The following WRN variants were observed in gnomAD, a reference collection of about 807,000 sequenced individuals.
WRN encodes bifunctional 3'-5' exonuclease/ATP-dependent helicase WRN.
In WRN, 149 loss-of-function variants were observed where a neutral mutation model predicts 180.7. The observed-to-expected ratio is 0.82, with a 90% CI of 0.72 to 0.94. The LOEUF is 0.94. Among genes scored for constraint, WRN ranks in the 40% least tolerant of loss-of-function variants. The pLI is 0.00. For missense variants in WRN, 1,661 were observed against 1,700.1 expected (o/e 0.98, Z 0.40); for synonymous variants, 548 against 568.9 (o/e 0.96, Z 0.52).
chr8:31,109,646 A>G (rs993057900), intron 18 of WRN, among the ~76,000 whole-genome samples: 1 of 152,178 alleles, frequency 6.6e-6, no homozygotes, highest in African/African-American at 2.4e-5. Context: ...AGTGCTTACT[A>G]TATTTTATTT....
chr8:31,126,361 C>T (rs1271332033), intron 23 of WRN, among the ~76,000 whole-genome samples: 1 of 151,986 alleles, frequency 6.6e-6, no homozygotes, highest in Non-Finnish European at 1.5e-5. Context: ...AGTCTCTAAA[C>T]CTTAGAAATT....
intron 8 of WRN, among the ~76,000 whole-genome samples, chr8:31,079,932 A>T (rs915511283): frequency 2.0e-5 from 3 of 151,984 alleles, no homozygotes; most frequent in Admixed American, 2.0e-4. Context: ...CTGGAGTGCA[A>T]TGGCACGATC....
At chr8:31,040,336 G>A (rs1170499747) in intron 1 of WRN, among the ~76,000 whole-genome samples, 4 of 152,180 alleles carry the variant, frequency 2.6e-5, no homozygotes, top group Admixed American at 2.6e-4. Flanking sequence ...AACTTTGGAA[G>A]TCATTAGTGT....
intron 33 of WRN, among the ~76,000 whole-genome samples, chr8:31,158,646 A>C (rs1281152543): frequency 6.6e-6 from 1 of 152,186 alleles, no homozygotes; most frequent in African/African-American, 2.4e-5. Context: ...AGAATTTGGA[A>C]GATCACTCTC....
intron 33 of WRN, among the ~76,000 whole-genome samples, chr8:31,164,013 A>G (rs1230324824): frequency 6.6e-6 from 1 of 151,948 alleles, no homozygotes. Flanking sequence ...ATTTTTAAGT[A>G]TTTTTGTAGA....
chr8:31,078,464 C>G (rs1162731362), intron 8 of WRN, among the ~76,000 whole-genome samples: 1 of 152,118 alleles, frequency 6.6e-6, no homozygotes, highest in African/African-American at 2.4e-5. Flanking sequence ...GTTTGACAAG[C>G]TTGGGTACTG....
chr8:31,101,888 G>T, intron 18 of WRN, among the ~76,000 whole-genome samples: 1 of 148,024 alleles, frequency 6.8e-6, no homozygotes, highest in African/African-American at 2.5e-5. Flanking sequence ...TAATAGCACT[G>T]TTTTATTTTT....
chr8:31,139,517 A>G (rs1802523940), intron 24 of WRN, among the ~76,000 whole-genome samples: 1 of 152,300 alleles, frequency 6.6e-6, no homozygotes, highest in African/African-American at 2.4e-5. Flanking sequence ...TCAAGAAGCC[A>G]TCTGTCAACT....
At chr8:31,095,907 A>G (rs961383092) in intron 16 of WRN, among the ~76,000 whole-genome samples, 14 of 152,258 alleles carry the variant, frequency 9.2e-5, no homozygotes, top group Admixed American at 3.3e-4. Context: ...TTCAACCCAT[A>G]TGCCTGCTGG....
chr8:31,157,711 A>G (rs1803443908), intron 33 of WRN, among the ~76,000 whole-genome samples, 181 bp downstream of exon 33: 1 of 152,252 alleles, frequency 6.6e-6, no homozygotes, highest in Non-Finnish European at 1.5e-5. Context: ...AGAGGAAAGT[A>G]TACTGAGAAA....
At chr8:31,120,867 A>T (rs1432979975) in intron 21 of WRN, among the ~76,000 whole-genome samples, 2 of 151,844 alleles carry the variant, frequency 1.3e-5, no homozygotes, top group Non-Finnish European at 2.9e-5. Flanking sequence ...ATTCCAGAGG[A>T]TTTCTCTCAG....
Position 31,105,324 on chromosome 8 carries a change from G to A in WRN, c.2088+4369G>A, listed in dbSNP as rs1801052385. On this transcript the variant is annotated intron_variant, in intron 18 of 34. Coordinates refer to ENST00000298139, the MANE Select transcript of WRN (RefSeq NM_000553.6). ...CTCATGGATTTCTTCTTTCCTTACTGTCTCTTTATTCTCAGCCTCCTGTTC... is the reference window on the plus strand; with the variant it reads ...CTCATGGATTTCTTCTTTCCTTACTATCTCTTTATTCTCAGCCTCCTGTTC... Among the ~76,000 whole-genome samples, 3 of 152,036 alleles carry A rather than the reference G, an allele frequency of 2.0e-5. No individual in the cohort carries two copies. The East Asian group carries it at 5.8e-4, about 29-fold the overall frequency.
At position 31,163,132 on chromosome 8, in the gene WRN, A is replaced by G. The variant is rs1803702769; in HGVS notation, c.3983-3890A>G. Among the ~76,000 whole-genome samples, 3 of 152,248 alleles carry G rather than the reference A, an allele frequency of 2.0e-5. No individual in the cohort carries two copies. The South Asian group carries it at 6.2e-4, about 31-fold the overall frequency. On this transcript the variant is annotated intron_variant, in intron 33 of 34. Transcript: ENST00000298139. ...CACGCGCACGCATGCGTGCTCATTC[A>G]CACTAAAGAATTCTTGGGCATATGT...
rs1811339675 is a variant in WRN, at chr8:31,033,899, G to C, written c.-151G>C. 1 of 152,522 alleles carries C rather than the reference G, an allele frequency of 6.6e-6. No homozygotes were observed. The highest frequency in any genetic ancestry group is 2.4e-5 in the African/African-American group (1 of 41,468). 9.4% of individuals were successfully genotyped at this position (152,522 alleles called of 1,614,324 possible). Reference sequence around the variant, plus strand: ...TTTGGTGTCTAGCCTGGATGCCTGGGTTGCAGGCCCTGCTTGTGGTGGCGC... The same window carrying C: ...TTTGGTGTCTAGCCTGGATGCCTGGCTTGCAGGCCCTGCTTGTGGTGGCGC... On this transcript the variant is annotated 5_prime_UTR_variant, in exon 1 of 35. Coordinates refer to ENST00000298139, the MANE Select transcript of WRN (RefSeq NM_000553.6).
chr8:31,105,000 A>G (rs2130252151), intron 18 of WRN, among the ~76,000 whole-genome samples: 1 of 152,346 alleles, frequency 6.6e-6, no homozygotes, highest in African/African-American at 2.4e-5. Context: ...GTTCAATTTC[A>G]TTGCTCATTA....
intron 32 of WRN, 83 bp from the exon 33 acceptor site, chr8:31,157,285 C>T (rs2130479625): frequency 6.3e-7 from 1 of 1,577,898 alleles, no homozygotes; most frequent in Non-Finnish European, 8.6e-7. Flanking sequence ...GCATTTACTA[C>T]CTGAATGTTT....
chr8:31,148,067 T>A (rs967043372), intron 30 of WRN, among the ~76,000 whole-genome samples: 3 of 151,986 alleles, frequency 2.0e-5, no homozygotes, highest in African/African-American at 4.8e-5. Flanking sequence ...TTGTATTTTT[T>A]GTAGAGACAG....
intron 19 of WRN, among the ~76,000 whole-genome samples, chr8:31,115,761 G>A (rs1352010002): frequency 3.3e-5 from 5 of 152,208 alleles, no homozygotes; most frequent in South Asian, 4.1e-4. Flanking sequence ...TATGGAAATC[G>A]TTTACGCTTT....
In WRN at chr8:31,120,292, T is replaced by C. The variant is rs1226250616; in HGVS notation, c.2498T>C (p.Ile833Thr). 4.3e-6 allele frequency: 7 copies of C among 1,612,926 alleles called. No individual in the cohort carries two copies. Among genetic ancestry groups the C allele is most frequent in the Non-Finnish European group, 5.9e-6 (7 of 1,179,168 alleles). ...GGAATGGGCATTAATAAAGCTGACA[T>C]TCGCCAAGTCATTCATTACGGTGCT... ...AFGMGINKADIRQVIHYGAPK... is the reference protein window; with the variant it reads ...AFGMGINKADTRQVIHYGAPK... Residue 833 changes from isoleucine (I) to threonine (T), a missense_variant, in exon 21 of 35, where the codon ATT (isoleucine) becomes ACT (threonine). This residue lies in a region of WRN where 1,141 missense variants were observed against 1,149.4 expected (regional missense o/e 0.99). Coordinates refer to ENST00000298139, the MANE Select transcript of WRN (RefSeq NM_000553.6).
Sources: gnomAD v4.1 joint callset for allele counts (sites outside exome capture counted in the v4.1 genomes callset) on GRCh38, gnomAD v4.1.1 for gene constraint, gnomAD v4.1.1 regional missense constraint, MANE v1.5 for transcripts, NCBI Gene and HGNC (gene_info 2026-07-23, HGNC 2026-07-21) for gene names.